Variants in SLIT2 observed in about 807,000 individuals in gnomAD.
SLIT2 encodes the protein slit guidance ligand 2, also known as slit homolog 2 protein.
SLIT2 carries 41 observed loss-of-function variants against 185.7 expected under a neutral mutation model. The observed-to-expected ratio is 0.22, with a 90% CI of 0.17 to 0.29. SLIT2 has a LOEUF of 0.29. SLIT2 is among the 10% of genes least tolerant of loss of function. The pLI is 1.00. For missense variants in SLIT2, 1,571 were observed against 1,909.0 expected, an observed-to-expected ratio of 0.82 and a Z score of 3.30; for synonymous variants, 693 against 680.2, an observed-to-expected ratio of 1.02 and a Z score of -0.29.
Position 20,617,601 on chromosome 4 carries a change from G to A in SLIT2, c.4299G>A (p.Gln1433=), listed in dbSNP as rs2148991476. ...AGTGCAGGCTTTCAGGTCTGGGGCA[G>A]CCCTACTGTGAATGCAGCAGTGGAT... ...HGKCRLSGLG[Q]PYCECSSGYT... The change falls in exon 36 of 37, where the codon CAG becomes CAA. Residue 1433 remains glutamine, a synonymous_variant. Coordinates refer to ENST00000504154, the MANE Select transcript of SLIT2 (RefSeq NM_004787.4). The A allele has an allele frequency of 6.2e-7, 1 of 1,613,116 alleles. No individual in the cohort carries two copies. Among genetic ancestry groups the A allele is most frequent in the Non-Finnish European group, 8.5e-7 (1 of 1,179,936 alleles).
intron 4 of SLIT2, among the ~76,000 whole-genome samples, chr4:20,409,184 T>G (rs1334932872): frequency 1.3e-5 from 2 of 152,196 alleles, no homozygotes; most frequent in Non-Finnish European, 2.9e-5. Flanking sequence ...TTAAGCCCAG[T>G]ATCCATTAGC....
chr4:20,494,777 CAAAA>C lies in SLIT2; in HGVS notation c.914+2890_914+2893del, dbSNP rs529308309. Among the ~76,000 whole-genome samples, 720 of 98,410 alleles carry C rather than the reference CAAAA, an allele frequency of 7.3e-3. 7 individuals carry two copies. The highest frequency in any genetic ancestry group is 0.025 in the African/African-American group (693 of 27,826). 64.6% of individuals were successfully genotyped at this position (98,410 alleles called of 152,430 possible). On this transcript the variant is annotated intron_variant, in intron 9 of 36. Coordinates refer to ENST00000504154, the MANE Select transcript of SLIT2 (RefSeq NM_004787.4). The stretch of plus-strand genomic sequence containing the variant: ...TGGGTGACAGAGCTAGACTCCGTCT[CAAAA>C]AAAAAAAAAAAGTACTAAAATAATA...
At chr4:20,461,142 T>G (rs1221159637) in intron 4 of SLIT2, among the ~76,000 whole-genome samples, 3 of 152,198 alleles carry the variant, frequency 2.0e-5, no homozygotes, top group African/African-American at 7.2e-5. Flanking sequence ...GTCTGCGTCT[T>G]GAACAATGTT....
At chr4:20,312,528 C>T (rs1173967745) in intron 4 of SLIT2, among the ~76,000 whole-genome samples, 1 of 151,770 alleles carries the variant, frequency 6.6e-6, no homozygotes, top group Non-Finnish European at 1.5e-5. Flanking sequence ...AATCCCAGCA[C>T]TTTGGGAGGC....
intron 11 of SLIT2, among the ~76,000 whole-genome samples, chr4:20,511,632 G>A (rs1013566377): frequency 2.3e-4 from 30 of 131,364 alleles, no homozygotes; most frequent in African/African-American, 1.4e-4. Flanking sequence ...ATTTCACAAT[G>A]TTAGCCAGGA....
chr4:20,366,561 GA>G (rs1471992327), intron 4 of SLIT2, among the ~76,000 whole-genome samples: 1 of 151,996 alleles, frequency 6.6e-6, no homozygotes, highest in African/African-American at 2.4e-5. Context: ...AAAATTCTGG[GA>G]ATGCAAAATA....
chr4:20,589,308 A>G (rs1413665037), intron 29 of SLIT2, among the ~76,000 whole-genome samples: 1 of 152,164 alleles, frequency 6.6e-6, no homozygotes, highest in Non-Finnish European at 1.5e-5. Context: ...TCTATGCTAT[A>G]TATCAAGAAA....
intron 4 of SLIT2, among the ~76,000 whole-genome samples, chr4:20,391,256 A>G (rs4272011): frequency 2.6e-5 from 4 of 152,086 alleles, no homozygotes; most frequent in Non-Finnish European, 5.9e-5. Context: ...TGCATCAGCC[A>G]CAATGCACAT....
At chr4:20,303,197 G>A (rs1717225291) in intron 4 of SLIT2, among the ~76,000 whole-genome samples, 1 of 152,170 alleles carries the variant, frequency 6.6e-6, no homozygotes, top group East Asian at 1.9e-4. Context: ...TTGTAAAAGA[G>A]TAGAATTTAA....
At chr4:20,522,360 G>A (rs1720913423) in intron 12 of SLIT2, among the ~76,000 whole-genome samples, 1 of 152,064 alleles carries the variant, frequency 6.6e-6, no homozygotes, top group South Asian at 2.1e-4. Context: ...TGAGACCAGT[G>A]GTGCCTGTTA....
At chr4:20,618,561 C>G (rs1194844282) in intron 36 of SLIT2, among the ~76,000 whole-genome samples, 1 of 152,180 alleles carries the variant, frequency 6.6e-6, no homozygotes, top group Non-Finnish European at 1.5e-5. Flanking sequence ...TATTTATACT[C>G]TACATAATAG....
At chr4:20,584,912 G>A (rs1726922198) in intron 29 of SLIT2, among the ~76,000 whole-genome samples, 1 of 151,988 alleles carries the variant, frequency 6.6e-6, no homozygotes, top group African/African-American at 2.4e-5. Flanking sequence ...AAAATTAGCT[G>A]GGCATGGTGG....
intron 4 of SLIT2, among the ~76,000 whole-genome samples, chr4:20,379,169 G>A (rs1436918882): frequency 1.3e-5 from 2 of 152,094 alleles, no homozygotes; most frequent in African/African-American, 4.8e-5. Flanking sequence ...TTGGGTGATA[G>A]TGATATGTGT....
At position 20,520,229 on chromosome 4, in the gene SLIT2, A is replaced by G. The variant is rs530366454; in HGVS notation, c.1130+776A>G. On this transcript the variant is annotated intron_variant, in intron 12 of 36. Coordinates refer to ENST00000504154, the MANE Select transcript of SLIT2 (RefSeq NM_004787.4). ...AATCAAAGACCACTCTGATTAGACA[A>G]TAGATACTACTCATTTGTCTCAAAA... Among the ~76,000 whole-genome samples the G allele has an allele frequency of 7.4e-4, 113 of 152,292 alleles. 1 individual carries two copies. Among genetic ancestry groups the G allele is most frequent in the African/African-American group, 2.5e-3 (102 of 41,564 alleles).
chr4:20,522,937 A>G (rs892009025), intron 12 of SLIT2, among the ~76,000 whole-genome samples: 1 of 152,150 alleles, frequency 6.6e-6, no homozygotes, highest in Non-Finnish European at 1.5e-5. Context: ...GCAGTAACAT[A>G]GTAAGTTGTG....
At chr4:20,589,900 C>CTTTTTTTTT (rs34384249) in intron 30 of SLIT2, among the ~76,000 whole-genome samples, 163 bp downstream of exon 30, 12 of 84,486 alleles carry the variant, frequency 1.4e-4, no homozygotes, top group East Asian at 7.8e-4. Flanking sequence ...ACAATATGGA[C>CTTTTTTTTT]TTTTTTTTTT....
At chr4:20,266,661 T>C (rs1306530657) in intron 3 of SLIT2, among the ~76,000 whole-genome samples, 1 of 151,942 alleles carries the variant, frequency 6.6e-6, no homozygotes, top group Non-Finnish European at 1.5e-5. Context: ...CAGAACTTAC[T>C]AAGTGCCAGG....
At chr4:20,383,935 A>T (rs1321677143) in intron 4 of SLIT2, among the ~76,000 whole-genome samples, 1 of 152,004 alleles carries the variant, frequency 6.6e-6, no homozygotes, top group African/African-American at 2.4e-5. Flanking sequence ...CAAACTCCTG[A>T]CCTCAAGTGA....
At chr4:20,504,764 T>TC (rs896623877) in intron 9 of SLIT2, among the ~76,000 whole-genome samples, 3 of 151,992 alleles carry the variant, frequency 2.0e-5, no homozygotes, top group Non-Finnish European at 4.4e-5. Flanking sequence ...GTTGCAATAG[T>TC]CCCCCCTCTT....
Sources: gnomAD v4.1 joint callset for allele counts (sites outside exome capture counted in the v4.1 genomes callset) on GRCh38, gnomAD v4.1.1 for gene constraint, MANE v1.5 for transcripts, NCBI Gene and HGNC (gene_info 2026-07-23, HGNC 2026-07-21) for gene names.